The following RASSF9 variants were observed in gnomAD, a reference collection of about 807,000 sequenced individuals.
RASSF9 encodes Ras association domain family member 9.
In RASSF9, 18 loss-of-function variants were observed where a neutral mutation model predicts 21.4. The ratio of observed to expected loss-of-function variants is 0.84; its 90% CI spans 0.58 to 1.25. The LOEUF (loss-of-function observed/expected upper bound fraction) is 1.25, where lower values mean the gene tolerates loss of function less well. Among genes scored for constraint, RASSF9 ranks in the 50% most tolerant of loss-of-function variants. RASSF9 has a pLI of 0.00. For missense variants in RASSF9, 480 were observed against 503.2 expected, an observed-to-expected ratio of 0.95 and a Z score of 0.44; for synonymous variants, 183 against 179.1, an observed-to-expected ratio of 1.02 and a Z score of -0.18.
rs1433991594 is a variant in RASSF9 at position 85,801,268 on chromosome 12, G to A, written c.*3434C>T. 6.6e-6 allele frequency: 1 copy of A among 152,076 alleles called. No homozygotes were observed. The highest frequency in any genetic ancestry group is 2.4e-5 in the African/African-American group (1 of 41,404). The allele number at this position is 152,076 out of a possible 1,614,324, so 9.4% of individuals were successfully genotyped here. A position where few individuals can be genotyped will look rare whatever the true frequency, so the allele number is the denominator to read the frequency against. On this transcript the variant is annotated 3_prime_UTR_variant, in exon 2 of 2. Coordinates refer to ENST00000361228, the MANE Select transcript of RASSF9 (RefSeq NM_005447.4). ...TGCCACATTTAAAAAAATCGTAGTA[G>A]CATGAAGATTTAATTTTTCTTTCCC... is the stretch of plus-strand genomic sequence containing the variant.
chr12:85,833,353 G>T (rs1880493041), intron 1 of RASSF9, among the ~76,000 whole-genome samples: 1 of 151,802 alleles, frequency 6.6e-6, no homozygotes, highest in African/African-American at 2.4e-5. Context: ...CACATGGCAG[G>T]CACTGTCCTG....
chr12:85,807,731 GA>G, intron 1 of RASSF9, among the ~76,000 whole-genome samples: 1 of 151,750 alleles, frequency 6.6e-6, no homozygotes, highest in Admixed American at 6.6e-5. Context: ...AGGTCAAGGG[GA>G]AAAAAACACT....
intron 1 of RASSF9, among the ~76,000 whole-genome samples, chr12:85,825,096 A>G (rs1040543777): frequency 6.6e-6 from 1 of 152,078 alleles, no homozygotes; most frequent in African/African-American, 2.4e-5. Flanking sequence ...TCTACCTCCC[A>G]GGTTCAAGTG....
intron 1 of RASSF9, among the ~76,000 whole-genome samples, chr12:85,819,682 A>G (rs1339151649): frequency 1.3e-5 from 2 of 152,178 alleles, no homozygotes; most frequent in African/African-American, 4.8e-5. Flanking sequence ...AGTTTGTGAT[A>G]AATATTAAAT....
chr12:85,815,929 G>A (rs57993155), intron 1 of RASSF9, among the ~76,000 whole-genome samples: 2 of 152,044 alleles, frequency 1.3e-5, no homozygotes, highest in East Asian at 3.9e-4. Flanking sequence ...ATCAACAGCA[G>A]ACTGGATAAA....
chr12:85,822,588 T>A (rs1303276305), intron 1 of RASSF9, among the ~76,000 whole-genome samples: 1 of 152,170 alleles, frequency 6.6e-6, no homozygotes, highest in Non-Finnish European at 1.5e-5. Context: ...GGAACATTAT[T>A]GATAAGAGAA....
chr12:85,827,522 A>G (rs961813700), intron 1 of RASSF9, among the ~76,000 whole-genome samples: 8 of 152,162 alleles, frequency 5.3e-5, no homozygotes, highest in African/African-American at 1.2e-4. Flanking sequence ...ACACCCTTCA[A>G]TGGATTTCCC....
intron 1 of RASSF9, among the ~76,000 whole-genome samples, chr12:85,834,470 T>G (rs557724481): frequency 6.6e-6 from 1 of 152,090 alleles, no homozygotes; most frequent in Non-Finnish European, 1.5e-5. Flanking sequence ...GAGTAGATAG[T>G]AGAGTGGCAG....
rs1237787524 is a variant in RASSF9, at chr12:85,818,914, G to T, written c.48-12952C>A. Among the ~76,000 whole-genome samples the T allele has an allele frequency of 2.1e-5, 3 of 140,132 alleles. No individual in the cohort carries two copies. The East Asian group carries it at 6.2e-4, about 29-fold the overall frequency. 91.9% of individuals were successfully genotyped at this position (140,132 alleles called of 152,430 possible). On this transcript the variant is annotated intron_variant, in intron 1 of 1. Coordinates refer to ENST00000361228, the MANE Select transcript of RASSF9 (RefSeq NM_005447.4). ...GTGGAGCTTGCAGTGAGCTGATATC[G>T]CGCCACTATACTCCAGCCTGGGCGA... is the stretch of plus-strand genomic sequence containing the variant.
At chr12:85,821,782 T>C (rs1038369033) in intron 1 of RASSF9, among the ~76,000 whole-genome samples, 5 of 152,092 alleles carry the variant, frequency 3.3e-5, no homozygotes, top group South Asian at 4.1e-4. Flanking sequence ...AGACATTCCA[T>C]AGTGGCCGGG....
At chr12:85,833,192 C>T (rs2136565314) in intron 1 of RASSF9, among the ~76,000 whole-genome samples, 1 of 151,852 alleles carries the variant, frequency 6.6e-6, no homozygotes, top group African/African-American at 2.4e-5. Flanking sequence ...TATTAAATAT[C>T]AACTAACCCT....
chr12:85,819,033 G>C (rs1287492046), intron 1 of RASSF9, among the ~76,000 whole-genome samples: 1 of 146,672 alleles, frequency 6.8e-6, no homozygotes, highest in African/African-American at 2.5e-5. Flanking sequence ...AATAAATATT[G>C]AATTGCCCGT....
At chr12:85,834,434 T>C (rs961560025) in intron 1 of RASSF9, among the ~76,000 whole-genome samples, 1 of 152,100 alleles carries the variant, frequency 6.6e-6, no homozygotes, top group East Asian at 1.9e-4. Flanking sequence ...ACTCACCTCC[T>C]CGAAAGAAAG....
intron 1 of RASSF9, among the ~76,000 whole-genome samples, chr12:85,807,059 A>G (rs1879851699): frequency 6.6e-6 from 1 of 152,224 alleles, no homozygotes; most frequent in Non-Finnish European, 1.5e-5. Flanking sequence ...GGGCAAAGGA[A>G]TAGAAAACGA....
In RASSF9 at chr12:85,805,337, T is replaced by G. The variant is rs1327771501; in HGVS notation, c.673A>C (p.Asn225His). The change falls in exon 2 of 2, where the codon AAT becomes CAT. Residue 225 changes from asparagine to histidine, a missense_variant. Coordinates refer to ENST00000361228, the MANE Select transcript of RASSF9 (RefSeq NM_005447.4). ...EAKFHLDRVE[N>H]DGENYVQDAY... ...TCCTGAACATAGTTTTCTCCATCATTTTCTACTCGATCAAGATGGAACTTA... is the reference window on the plus strand; with the variant it reads ...TCCTGAACATAGTTTTCTCCATCATGTTCTACTCGATCAAGATGGAACTTA... 4 of 1,613,606 alleles carry G rather than the reference T, an allele frequency of 2.5e-6. No homozygotes were observed. Among genetic ancestry groups the G allele is most frequent in the Non-Finnish European group, 3.4e-6 (4 of 1,179,866 alleles).
At chr12:85,821,018 C>T (rs911174288) in intron 1 of RASSF9, among the ~76,000 whole-genome samples, 1 of 152,098 alleles carries the variant, frequency 6.6e-6, no homozygotes, top group African/African-American at 2.4e-5. Flanking sequence ...GTGGCACGGG[C>T]CTATAGTCCC....
chr12:85,814,919 A>G (rs2197768), intron 1 of RASSF9, among the ~76,000 whole-genome samples: 150,848 of 152,146 alleles, frequency 0.99, 74,793 homozygotes, highest in Middle Eastern at 1. Context: ...TGACATACTC[A>G]GAATGGTGGA....
At chr12:85,821,121 C>T (rs1880200922) in intron 1 of RASSF9, among the ~76,000 whole-genome samples, 1 of 150,106 alleles carries the variant, frequency 6.7e-6, no homozygotes, top group African/African-American at 2.5e-5. Flanking sequence ...TCCAGCCTGG[C>T]AACAAAAAAC....
intron 1 of RASSF9, among the ~76,000 whole-genome samples, chr12:85,824,703 C>G (rs1392454452): frequency 6.6e-6 from 1 of 152,280 alleles, no homozygotes; most frequent in Middle Eastern, 3.4e-3. Context: ...AATTAATATA[C>G]ACATTGAGTT....
Sources: gnomAD v4.1 joint callset for allele counts (sites outside exome capture counted in the v4.1 genomes callset) on GRCh38, gnomAD v4.1.1 for gene constraint, MANE v1.5 for transcripts, NCBI Gene and HGNC (gene_info 2026-07-23, HGNC 2026-07-21) for gene names.